SMARCA5: variants seen among roughly 807,000 people sequenced by gnomAD.
SMARCA5 encodes SWI/SNF-related matrix-associated actin-dependent regulator of chromatin subfamily A member 5.
In SMARCA5, 18 loss-of-function variants were observed where a neutral mutation model predicts 140.4. The observed-to-expected ratio is 0.13, with a 90% CI of 0.09 to 0.19. The LOEUF is 0.19. SMARCA5 is among the 10% of genes least tolerant of loss of function. The pLI is 1.00. For missense variants in SMARCA5, 606 were observed against 1,276.8 expected (o/e 0.47, Z 8.01); for synonymous variants, 449 against 419.6 (o/e 1.07, Z -0.86).
At chr4:143,527,359 T>C (rs937257626) in intron 6 of SMARCA5, among the ~76,000 whole-genome samples, 1 of 152,208 alleles carries the variant, frequency 6.6e-6, no homozygotes, top group Admixed American at 6.5e-5. Flanking sequence ...TATTTTAAGT[T>C]ATCAATTTTT....
At chr4:143,514,139 G>A in intron 1 of SMARCA5, 38 bp downstream of exon 1, 1 of 1,481,514 alleles carries the variant, frequency 6.7e-7, no homozygotes. Flanking sequence ...GGGTGCAGCG[G>A]GGAGGAGGAG....
rs999860410 is a variant in SMARCA5 at position 143,513,989 on chromosome 4, C to T, written c.65C>T (p.Ala22Val). ...GAGAGCGCGCCTTCCAAGCCCGCAGCCTCGATCGCCAGCGGCGGGAGCAAC... is the reference window on the plus strand; with the variant it reads ...GAGAGCGCGCCTTCCAAGCCCGCAGTCTCGATCGCCAGCGGCGGGAGCAAC... ...PPESAPSKPA[A>V]SIASGGSNSS... The change falls in exon 1 of 24, where the codon GCC becomes GTC. Residue 22 changes from alanine to valine, a missense_variant. Coordinates refer to ENST00000283131, the MANE Select transcript of SMARCA5 (RefSeq NM_003601.4). 2 of 1,563,548 alleles carry T rather than the reference C, an allele frequency of 1.3e-6. No homozygotes were observed. Among genetic ancestry groups the T allele is most frequent in the Admixed American group, 1.8e-5 (1 of 55,208 alleles).
chr4:143,546,007 A>G lies in SMARCA5; in HGVS notation c.2480A>G (p.Asn827Ser). 6.2e-7 allele frequency: 1 copy of G among 1,610,796 alleles called. No individual in the cohort carries two copies. The highest frequency in any genetic ancestry group is 8.5e-7 in the Non-Finnish European group (1 of 1,178,006). The stretch of plus-strand genomic sequence containing the variant: ...AAAATTGATGAAGCTGAATCCCTTA[A>G]TGATGAAGAGTTAGAGGAAAAAGAG... The part of the protein sequence containing the change: ...QLKIDEAESL[N>S]DEELEEKEKL... Residue 827 changes from asparagine to serine, a missense_variant, in exon 19 of 24, where the codon AAT becomes AGT. Physicochemically the swap from Asn to Ser is conservative, Grantham distance 46. Coordinates refer to ENST00000283131, the MANE Select transcript of SMARCA5 (RefSeq NM_003601.4).
intron 9 of SMARCA5, among the ~76,000 whole-genome samples, chr4:143,532,676 C>G (rs1333630466): frequency 2.0e-5 from 3 of 151,768 alleles, no homozygotes; most frequent in Non-Finnish European, 4.4e-5. Flanking sequence ...ACCCCTTATT[C>G]CCTCCACCCC....
At chr4:143,531,660 T>C (rs1038484289) in intron 9 of SMARCA5, among the ~76,000 whole-genome samples, 3 of 152,200 alleles carry the variant, frequency 2.0e-5, no homozygotes, top group Non-Finnish European at 4.4e-5. Context: ...GGGAACAAAA[T>C]TGTGCCCCTC....
intron 1 of SMARCA5, 32 bp downstream of exon 1, chr4:143,514,133 G>A (rs1317152725): frequency 6.7e-6 from 10 of 1,493,852 alleles, no homozygotes; most frequent in East Asian, 2.5e-5. Flanking sequence ...GGGAGCGGGT[G>A]CAGCGGGGAG....
rs182122303 is a variant in SMARCA5 at position 143,546,067 on chromosome 4, C to T, written c.2520+20C>T. Reference sequence around the variant, plus strand: ...ACACAGGTATAGCCTTTAATCAGTACAAACTTTAGTAACAGTTTGTTGTAA... The same window carrying T: ...ACACAGGTATAGCCTTTAATCAGTATAAACTTTAGTAACAGTTTGTTGTAA... On this transcript the variant is annotated intron_variant, in intron 19 of 23. Transcript: ENST00000283131. The T allele has an allele frequency of 2.4e-3, 3,802 of 1,555,766 alleles. 14 individuals carry two copies. Among genetic ancestry groups the T allele is most frequent in the Non-Finnish European group, 2.7e-3 (3,110 of 1,155,780 alleles).
At chr4:143,536,864 A>G (rs1737317853) in intron 11 of SMARCA5, among the ~76,000 whole-genome samples, 186 bp downstream of exon 11, 1 of 152,140 alleles carries the variant, frequency 6.6e-6, no homozygotes, top group Non-Finnish European at 1.5e-5. Context: ...GTCTCTTAGA[A>G]GGTAAGCAAT....
chr4:143,514,334 T>A (rs930671257), intron 1 of SMARCA5: 2 of 492,160 alleles, frequency 4.1e-6, no homozygotes, highest in East Asian at 7.1e-5. Flanking sequence ...GTCTCTTTCG[T>A]GAATCCTGAC....
chr4:143,525,431 T>C lies in SMARCA5; in HGVS notation c.521-20T>C. 6.8e-7 allele frequency: 1 copy of C among 1,476,402 alleles called. No individual in the cohort carries two copies. Among genetic ancestry groups the C allele is most frequent in the East Asian group, 2.3e-5 (1 of 44,182 alleles). The allele number at this position is 1,476,402 out of a possible 1,614,324, so 91.5% of individuals were successfully genotyped here. Reference sequence around the variant, plus strand: ...ATTTCTTGTCTTAAAATGCCTATTGTGCTTTTCTTTTGTTCTTAGATGTAA... The same window carrying C: ...ATTTCTTGTCTTAAAATGCCTATTGCGCTTTTCTTTTGTTCTTAGATGTAA... On this transcript the variant is annotated intron_variant, in intron 4 of 23. Coordinates refer to ENST00000283131, the MANE Select transcript of SMARCA5 (RefSeq NM_003601.4).
Position 143,532,881 on chromosome 4 carries a change from G to A in SMARCA5, c.1159-1974G>A, listed in dbSNP as rs1474254950. ...GACAATGCTAGAAGAGAACCGGTGG[G>A]GCTAAAGGTCTTCACTTACACATCT... On this transcript the variant is annotated intron_variant, in intron 9 of 23. Coordinates refer to ENST00000283131, the MANE Select transcript of SMARCA5 (RefSeq NM_003601.4). Among the ~76,000 whole-genome samples, 3 of 152,088 alleles carry A rather than the reference G, an allele frequency of 2.0e-5. No homozygotes were observed. In the East Asian group the frequency reaches 5.8e-4, roughly 29 times the overall value.
At chr4:143,514,937 A>C (rs1736796443) in intron 1 of SMARCA5, among the ~76,000 whole-genome samples, 1 of 152,136 alleles carries the variant, frequency 6.6e-6, no homozygotes, top group Admixed American at 6.5e-5. Flanking sequence ...GGATGCTGAC[A>C]GTACTGAGGG....
chr4:143,534,474 C>T (rs1485792897), intron 9 of SMARCA5, among the ~76,000 whole-genome samples: 1 of 152,072 alleles, frequency 6.6e-6, no homozygotes, highest in Non-Finnish European at 1.5e-5. Context: ...ATATACCGAC[C>T]TTTTCCTTGT....
chr4:143,546,653 A>G (rs751390222), intron 19 of SMARCA5, 123 bp from the exon 20 acceptor site: 5 of 810,304 alleles, frequency 6.2e-6, no homozygotes, highest in Non-Finnish European at 9.5e-6. Context: ...AAAAGTTACC[A>G]CTCTAAAAGA....
intron 2 of SMARCA5, 99 bp downstream of exon 2, chr4:143,517,528 A>G (rs1216691246): frequency 1.5e-5 from 10 of 661,232 alleles, no homozygotes; most frequent in Admixed American, 1.4e-4. Flanking sequence ...TGTTACAACA[A>G]TACCACAGAC....
intron 3 of SMARCA5, among the ~76,000 whole-genome samples, chr4:143,523,301 A>G (rs1167879131): frequency 1.3e-5 from 2 of 152,046 alleles, no homozygotes; most frequent in Non-Finnish European, 2.9e-5. Context: ...TGTTGGGATT[A>G]CAGGCGTGAG....
At chr4:143,529,834 G>T (rs940999938) in intron 8 of SMARCA5, among the ~76,000 whole-genome samples, 3 of 151,976 alleles carry the variant, frequency 2.0e-5, no homozygotes, top group East Asian at 3.9e-4. Context: ...TTTTAGCTTC[G>T]ATTTTATGTA....
intron 8 of SMARCA5, 66 bp from the exon 9 acceptor site, chr4:143,530,392 C>T (rs1737160983): frequency 1.0e-6 from 1 of 953,498 alleles, no homozygotes; most frequent in South Asian, 1.6e-5. Flanking sequence ...ATTTCTATAT[C>T]TGGTATTATA....
chr4:143,524,365 A>G lies in SMARCA5; in HGVS notation c.420-2A>G. ...CAGGTTATTTTATTTTCATCTTAAC[A>G]GTTACCGACACCGTAGAACAGAGCA... On this transcript the variant is annotated splice_acceptor_variant, in intron 3 of 23. Transcript: ENST00000283131. LOFTEE classifies it high-confidence loss of function. 1 of 1,592,444 alleles carries G rather than the reference A, an allele frequency of 6.3e-7. No individual in the cohort carries two copies. The highest frequency in any genetic ancestry group is 1.8e-5 in the Admixed American group (1 of 55,560).
Sources: gnomAD v4.1 joint callset for allele counts (sites outside exome capture counted in the v4.1 genomes callset) on GRCh38, gnomAD v4.1.1 for gene constraint, MANE v1.5 for transcripts, NCBI Gene and HGNC (gene_info 2026-07-23, HGNC 2026-07-21) for gene names.